The following CPA6 variants were observed in gnomAD, a reference collection of about 807,000 sequenced individuals.
CPA6 encodes carboxypeptidase B.
In CPA6, 58 loss-of-function variants were observed where a neutral mutation model predicts 63.3. The ratio of observed to expected loss-of-function variants is 0.92; its 90% CI spans 0.74 to 1.14. The LOEUF (loss-of-function observed/expected upper bound fraction) is 1.14. Among genes scored for constraint, CPA6 ranks in the 50% most tolerant of loss-of-function variants. CPA6 has a pLI of 0.00. For synonymous variants in CPA6, 185 were observed against 179.0 expected (o/e 1.03, Z -0.27); for missense variants, 565 against 526.6 (o/e 1.07, Z -0.71).
chr8:67,686,489 A>G (rs940799324), intron 1 of CPA6, among the ~76,000 whole-genome samples: 4 of 152,230 alleles, frequency 2.6e-5, no homozygotes, highest in Non-Finnish European at 5.9e-5. Context: ...TTGCCCACAT[A>G]TAACTGGGGA....
intron 8 of CPA6, among the ~76,000 whole-genome samples, chr8:67,460,022 A>C (rs1810765194): frequency 1.3e-5 from 2 of 152,164 alleles, no homozygotes; most frequent in Admixed American, 1.3e-4. Context: ...GGGGGGAAAA[A>C]AAGGCACTTG....
chr8:67,686,013 G>C (rs528139630), intron 1 of CPA6, among the ~76,000 whole-genome samples: 1 of 152,212 alleles, frequency 6.6e-6, no homozygotes, highest in Admixed American at 6.5e-5. Context: ...ACTCACTGCC[G>C]CTTGATAATT....
intron 3 of CPA6, among the ~76,000 whole-genome samples, chr8:67,512,668 T>G (rs1017446572): frequency 1.3e-5 from 2 of 152,212 alleles, no homozygotes; most frequent in African/African-American, 4.8e-5. Flanking sequence ...TTTGCATTAC[T>G]TAAAGATGTT....
chr8:67,524,594 T>C (rs1812323784), intron 2 of CPA6, among the ~76,000 whole-genome samples: 1 of 150,596 alleles, frequency 6.6e-6, no homozygotes, highest in Admixed American at 6.7e-5. Context: ...CTCCAGATTC[T>C]TAAGTACATT....
At chr8:67,507,761 T>C (rs1433996232) in intron 5 of CPA6, among the ~76,000 whole-genome samples, 2 of 152,150 alleles carry the variant, frequency 1.3e-5, no homozygotes, top group Non-Finnish European at 2.9e-5. Context: ...TGAATTTTCC[T>C]AAGTAATAAA....
intron 1 of CPA6, among the ~76,000 whole-genome samples, chr8:67,684,357 T>TC (rs1816667477): frequency 6.6e-6 from 1 of 152,272 alleles, no homozygotes; most frequent in South Asian, 2.1e-4. Flanking sequence ...ATCTATCCTG[T>TC]CCATGTTCTC....
chr8:67,518,094 G>C, intron 2 of CPA6, 47 bp from the exon 3 acceptor site: 1 of 1,480,844 alleles, frequency 6.8e-7, no homozygotes, highest in Non-Finnish European at 9.0e-7. Context: ...CGTAGGGGGG[G>C]AAAATCTGTG....
chr8:67,480,700 T>TGGAGTTG (rs1401316315), intron 8 of CPA6, among the ~76,000 whole-genome samples: 1 of 151,810 alleles, frequency 6.6e-6, no homozygotes, highest in Non-Finnish European at 1.5e-5. Flanking sequence ...TATCTAAGAG[T>TGGAGTTG]GGAGTTGCTG....
intron 1 of CPA6, among the ~76,000 whole-genome samples, chr8:67,743,146 T>A (rs1044879228): frequency 6.6e-6 from 1 of 152,188 alleles, no homozygotes; most frequent in Non-Finnish European, 1.5e-5. Flanking sequence ...GCCCTTGACA[T>A]AAAGTACCAA....
At chr8:67,531,775 C>T (rs1812482159) in intron 2 of CPA6, among the ~76,000 whole-genome samples, 1 of 152,070 alleles carries the variant, frequency 6.6e-6, no homozygotes, top group African/African-American at 2.4e-5. Context: ...TCTTCCCAAG[C>T]ATACATAGAA....
At chr8:67,462,982 G>A (rs1319902725) in intron 8 of CPA6, among the ~76,000 whole-genome samples, 1 of 152,282 alleles carries the variant, frequency 6.6e-6, no homozygotes, top group African/African-American at 2.4e-5. Flanking sequence ...AAGCCTCATA[G>A]TGGTAACAAG....
At chr8:67,696,906 C>G (rs1400214241) in intron 1 of CPA6, among the ~76,000 whole-genome samples, 1 of 152,188 alleles carries the variant, frequency 6.6e-6, no homozygotes, top group Non-Finnish European at 1.5e-5. Flanking sequence ...TGTCCTAAAA[C>G]TAGACTTTGG....
rs1366319374 is a variant in CPA6, at chr8:67,684,812, C to T, written c.117-60561G>A. On this transcript the variant is annotated intron_variant, in intron 1 of 10. Coordinates refer to ENST00000297770, the MANE Select transcript of CPA6 (RefSeq NM_020361.5). ...TTAGTATCTGATCACCTTCCACATC[C>T]GATCAGTCTTCTTATTCTCTATCAT... Among the ~76,000 whole-genome samples the T allele has an allele frequency of 2.6e-5, 4 of 152,152 alleles. No homozygotes were observed. The East Asian group carries it at 7.7e-4, about 29-fold the overall frequency.
chr8:67,483,930 A>C, intron 7 of CPA6, 72 bp from the exon 8 acceptor site: 258 of 1,216,376 alleles, frequency 2.1e-4, no homozygotes, highest in Non-Finnish European at 2.8e-4. Flanking sequence ...TTAATAGCTC[A>C]ATCAATGAAA....
intron 2 of CPA6, among the ~76,000 whole-genome samples, chr8:67,524,194 C>A (rs1812315636): frequency 6.6e-6 from 1 of 152,176 alleles, no homozygotes; most frequent in African/African-American, 2.4e-5. Context: ...CTTCTCTACC[C>A]TCCAAGTTTA....
At chr8:67,726,192 G>A (rs973622736) in intron 1 of CPA6, among the ~76,000 whole-genome samples, 2 of 152,084 alleles carry the variant, frequency 1.3e-5, no homozygotes, top group African/African-American at 2.4e-5. Flanking sequence ...TGAGGTTACT[G>A]GTTAGGGAGA....
chr8:67,476,325 A>G (rs112469240), intron 8 of CPA6, among the ~76,000 whole-genome samples: 2,800 of 152,156 alleles, frequency 0.018, 91 homozygotes, highest in African/African-American at 0.062. Context: ...CTTTCCATGA[A>G]AATGTGGGCT....
chr8:67,587,004 G>A (rs1485508297), intron 2 of CPA6, among the ~76,000 whole-genome samples: 1 of 152,230 alleles, frequency 6.6e-6, no homozygotes, highest in African/African-American at 2.4e-5. Context: ...CATATGTACT[G>A]GAGATTGAAA....
At position 67,482,204 on chromosome 8, in the gene CPA6, G is replaced by A. The variant is rs541452880; in HGVS notation, c.838+1564C>T. Among the ~76,000 whole-genome samples, 70 of 152,324 alleles carry A rather than the reference G, an allele frequency of 4.6e-4. 1 individual carries two copies. In the South Asian group the frequency reaches 5.4e-3, roughly 12 times the overall value. On this transcript the variant is annotated intron_variant, in intron 8 of 10. Transcript: ENST00000297770. Reference sequence around the variant, plus strand: ...GTTTACATAGGCAGAGCTGGCTGCTGCTAGAGTTACTCAGCTCAATTACCC... The same window carrying A: ...GTTTACATAGGCAGAGCTGGCTGCTACTAGAGTTACTCAGCTCAATTACCC...
Sources: gnomAD v4.1 joint callset for allele counts (sites outside exome capture counted in the v4.1 genomes callset) on GRCh38, gnomAD v4.1.1 for gene constraint, MANE v1.5 for transcripts, NCBI Gene and HGNC (gene_info 2026-07-23, HGNC 2026-07-21) for gene names.